Variants in CELF4 observed in about 807,000 individuals in gnomAD.
The protein encoded by CELF4 is CUGBP Elav-like family member 4.
A neutral mutation model predicts 59.9 loss-of-function variants in CELF4; 18 were observed. The ratio of observed to expected loss-of-function variants is 0.30; its 90% CI spans 0.21 to 0.45. The LOEUF is 0.45. Ranked by LOEUF, CELF4 falls within the 20% of genes least tolerant of loss-of-function variation. CELF4 has a pLI of 1.00. For synonymous variants in CELF4, 261 were observed against 267.1 expected, an observed-to-expected ratio of 0.98 and a Z score of 0.22; for missense variants, 456 against 689.0, an observed-to-expected ratio of 0.66 and a Z score of 3.79.
chr18:37,378,073 C>G (rs1024262106), intron 2 of CELF4, among the ~76,000 whole-genome samples: 18 of 152,142 alleles, frequency 1.2e-4, no homozygotes, highest in Non-Finnish European at 2.4e-4. Context: ...GATAGTCACA[C>G]CCCTGGTCCT....
intron 2 of CELF4, among the ~76,000 whole-genome samples, chr18:37,431,020 G>A (rs2099648459): frequency 6.6e-6 from 1 of 152,194 alleles, no homozygotes; most frequent in African/African-American, 2.4e-5. Flanking sequence ...TGCTGGGTTA[G>A]GCTTGGGTCC....
chr18:37,564,813 T>A (rs75132527), intron 1 of CELF4, among the ~76,000 whole-genome samples: 1 of 146,864 alleles, frequency 6.8e-6, no homozygotes, highest in South Asian at 2.2e-4. Flanking sequence ...ACAGGGAGAG[T>A]TTACTGTTAC....
At chr18:37,300,037 GAC>G (rs1168200697) in intron 3 of CELF4, among the ~76,000 whole-genome samples, 1 of 152,176 alleles carries the variant, frequency 6.6e-6, no homozygotes, top group Admixed American at 6.5e-5. Context: ...CCATGAGGCA[GAC>G]CTGAAACTGC....
intron 3 of CELF4, among the ~76,000 whole-genome samples, chr18:37,321,494 A>G (rs1239851424): frequency 6.6e-6 from 1 of 152,198 alleles, no homozygotes; most frequent in Non-Finnish European, 1.5e-5. Flanking sequence ...TTCCTTGTCC[A>G]CATCGAGGTG....
At chr18:37,279,073 C>A (rs946250299) in intron 3 of CELF4, among the ~76,000 whole-genome samples, 3 of 152,204 alleles carry the variant, frequency 2.0e-5, no homozygotes, top group Admixed American at 6.5e-5. Flanking sequence ...CTGGTACAGG[C>A]AGAGAAGGCC....
intron 1 of CELF4, among the ~76,000 whole-genome samples, chr18:37,541,345 G>A (rs535724156): frequency 2.6e-5 from 4 of 151,986 alleles, no homozygotes; most frequent in Admixed American, 2.0e-4. Context: ...CGTCCTGGGC[G>A]CCTCTCTTTC....
In CELF4 at chr18:37,545,659, C is replaced by T. The variant is rs2099981004; in HGVS notation, c.286+19697G>A. 3.3e-5 allele frequency among the ~76,000 whole-genome samples: 5 copies of T among 152,130 alleles called. No homozygotes were observed. In the South Asian group the frequency reaches 1.0e-3, roughly 32 times the overall value. On this transcript the variant is annotated intron_variant, in intron 1 of 12. Coordinates refer to ENST00000420428, the MANE Select transcript of CELF4 (RefSeq NM_020180.4). ...GCTGGTCGAGTCTGAGCACCATCTG[C>T]TCAAGCCTGGATGGAGGCAGTGGGG...
Position 37,254,002 on chromosome 18 carries a change from G to C in CELF4, c.1334-64C>G. On this transcript the variant is annotated intron_variant, in intron 11 of 12. Transcript: ENST00000420428. The surrounding 1 kb of genome is among the most constrained non-coding windows in gnomAD (Gnocchi z 5.1). ...GGGCCGCCCGGGGCGCTGCCGGCGG[G>C]GAGGGGTCGGGGGACAGGGGGGCGG... The C allele has an allele frequency of 2.8e-6, 4 of 1,423,058 alleles. No homozygotes were observed. The highest frequency in any genetic ancestry group is 3.8e-6 in the Non-Finnish European group (4 of 1,056,254). The allele number at this position is 1,423,058 out of a possible 1,614,324, so 88.2% of individuals were successfully genotyped here.
intron 2 of CELF4, among the ~76,000 whole-genome samples, chr18:37,434,413 C>T (rs569085608): frequency 6.6e-6 from 1 of 152,278 alleles, no homozygotes; most frequent in African/African-American, 2.4e-5. Context: ...GCTAATTCTG[C>T]GGCTTGTTGG....
chr18:37,301,172 C>T (rs575900916), intron 3 of CELF4, among the ~76,000 whole-genome samples: 1 of 152,252 alleles, frequency 6.6e-6, no homozygotes, highest in East Asian at 1.9e-4. Flanking sequence ...AAAACTGTGG[C>T]ACCAAAGCAG....
intron 2 of CELF4, among the ~76,000 whole-genome samples, chr18:37,393,131 C>T (rs1208278684): frequency 1.3e-5 from 2 of 151,554 alleles, no homozygotes; most frequent in Non-Finnish European, 2.9e-5. Context: ...GTTGGACACA[C>T]ACATGGATTG....
At chr18:37,511,554 G>A (rs2099944351) in intron 1 of CELF4, among the ~76,000 whole-genome samples, 1 of 151,504 alleles carries the variant, frequency 6.6e-6, no homozygotes, top group Admixed American at 6.6e-5. Flanking sequence ...ATACCCATTC[G>A]ACACACTCCT....
chr18:37,475,039 C>T (rs565290523), intron 2 of CELF4, among the ~76,000 whole-genome samples: 56 of 152,310 alleles, frequency 3.7e-4, no homozygotes, highest in African/African-American at 1.3e-3. Flanking sequence ...TGGGATGACT[C>T]CAAGGAGTAT....
At chr18:37,556,234 G>C (rs1603644103) in intron 1 of CELF4, among the ~76,000 whole-genome samples, 1 of 152,220 alleles carries the variant, frequency 6.6e-6, no homozygotes, top group Non-Finnish European at 1.5e-5. Flanking sequence ...GCCAGAACTA[G>C]CCACTGGGAG....
intron 2 of CELF4, among the ~76,000 whole-genome samples, chr18:37,416,380 G>T (rs182215554): frequency 4.1e-4 from 63 of 152,280 alleles, no homozygotes; most frequent in African/African-American, 1.5e-3. Context: ...ACCTCCAGGA[G>T]CCCCAGCTTT....
chr18:37,564,494 C>T (rs1396811128), intron 1 of CELF4, among the ~76,000 whole-genome samples: 1 of 152,184 alleles, frequency 6.6e-6, no homozygotes, highest in Non-Finnish European at 1.5e-5. Flanking sequence ...CAAGCACTCA[C>T]TGGCAATGAT....
intron 1 of CELF4, among the ~76,000 whole-genome samples, chr18:37,499,397 G>A (rs1569569663): frequency 1.3e-5 from 2 of 152,170 alleles, no homozygotes; most frequent in Admixed American, 1.3e-4. Context: ...GCTGGAGAGA[G>A]GAAAGTTGGG....
At chr18:37,441,875 C>T (rs1402978340) in intron 2 of CELF4, among the ~76,000 whole-genome samples, 4 of 152,116 alleles carry the variant, frequency 2.6e-5, no homozygotes, top group Non-Finnish European at 4.4e-5. Flanking sequence ...TCAGAACTCC[C>T]CTGAATCTCC....
rs567563862 is a variant in CELF4, at chr18:37,378,162, T to G, written c.370-56281A>C. On this transcript the variant is annotated intron_variant, in intron 2 of 12. Coordinates refer to ENST00000420428, the MANE Select transcript of CELF4 (RefSeq NM_020180.4). Reference sequence around the variant, plus strand: ...CCTCTCCCCAGTTCTTTCCCCATGGTGGACCCCTCCTCTGGAGAGCAGCAC... The same window carrying G: ...CCTCTCCCCAGTTCTTTCCCCATGGGGGACCCCTCCTCTGGAGAGCAGCAC... Among the ~76,000 whole-genome samples, 134 of 152,290 alleles carry G rather than the reference T, an allele frequency of 8.8e-4. 1 individual carries two copies. The highest frequency in any genetic ancestry group is 3.1e-3 in the African/African-American group (128 of 41,560).
Sources: allele counts gnomAD v4.1 joint callset (sites outside exome capture counted in the v4.1 genomes callset), GRCh38; gene constraint gnomAD v4.1.1; non-coding constraint Gnocchi (gnomAD v3.1); transcripts MANE v1.5; gene names NCBI Gene and HGNC (gene_info 2026-07-23, HGNC 2026-07-21).